TENM3: variants seen among roughly 807,000 people sequenced by gnomAD.
The protein encoded by TENM3 is teneurin transmembrane protein 3.
Under a neutral mutation model 255.1 loss-of-function variants are expected in TENM3, and 63 were observed. That is an observed-to-expected ratio of 0.25 (90% confidence interval 0.20 to 0.30). TENM3 has a LOEUF of 0.30. TENM3 is among the 10% of genes least tolerant of loss of function. The pLI, the probability that TENM3 is intolerant of heterozygous loss-of-function variation, is 1.00. For missense variants in TENM3, 2,929 were observed against 3,461.1 expected, an observed-to-expected ratio of 0.85 and a Z score of 3.86; for synonymous variants, 1,306 against 1,322.3, an observed-to-expected ratio of 0.99 and a Z score of 0.27.
intron 3 of TENM3, among the ~76,000 whole-genome samples, chr4:182,464,423 A>T (rs1205346897): frequency 6.6e-6 from 1 of 151,968 alleles, no homozygotes; most frequent in African/African-American, 2.4e-5. Flanking sequence ...TGTCCAGCTA[A>T]TTTTTGTATT....
chr4:182,179,960 G>A (rs952679953), intron 1 of TENM3, among the ~76,000 whole-genome samples: 6 of 151,992 alleles, frequency 3.9e-5, no homozygotes, highest in Non-Finnish European at 7.4e-5. Flanking sequence ...AGGAGATTAG[G>A]TAGTCTCTAT....
At chr4:182,492,320 G>C (rs1004545892) in intron 3 of TENM3, among the ~76,000 whole-genome samples, 2 of 152,138 alleles carry the variant, frequency 1.3e-5, no homozygotes, top group African/African-American at 4.8e-5. Context: ...TAAGGAACTT[G>C]GTTTTGATTA....
At position 182,731,016 on chromosome 4, in the gene TENM3, G is replaced by C. The variant is rs1760654421; in HGVS notation, c.2844G>C (p.Glu948Asp). The C allele has an allele frequency of 6.2e-7, 1 of 1,613,798 alleles. No homozygotes were observed. The change falls in exon 16 of 28, where the codon GAG (glutamate) becomes GAC (aspartate). Residue 948 changes from glutamate to aspartate, a missense_variant. Physicochemically the swap from Glu to Asp is conservative, Grantham distance 45 (BLOSUM62 2). Coordinates refer to ENST00000511685, the MANE Select transcript of TENM3 (RefSeq NM_001080477.4). ...VMDTLVMKKEENDIPSCDLSG... is the reference protein window; with the variant it reads ...VMDTLVMKKEDNDIPSCDLSG... ...ATACCCTAGTCATGAAGAAAGAAGA[G>C]AATGACATTCCCAGCTGTGATCTGA...
chr4:182,745,135 G>A (rs1406454036), intron 19 of TENM3, among the ~76,000 whole-genome samples: 1 of 152,128 alleles, frequency 6.6e-6, no homozygotes, highest in African/African-American at 2.4e-5. Flanking sequence ...CTGTTGTGTA[G>A]TGATTAGCAA....
intron 3 of TENM3, among the ~76,000 whole-genome samples, chr4:182,442,299 C>T (rs1772549472): frequency 6.6e-6 from 1 of 152,120 alleles, no homozygotes; most frequent in Non-Finnish European, 1.5e-5. Flanking sequence ...ATATGTTAAA[C>T]TATTTGCAAA....
chr4:182,305,871 C>T (rs1461952727), intron 1 of TENM3, among the ~76,000 whole-genome samples: 2 of 152,160 alleles, frequency 1.3e-5, no homozygotes, highest in Non-Finnish European at 2.9e-5. Flanking sequence ...GATGTTCTTA[C>T]GTTCTTTAGT....
chr4:182,413,078 A>G (rs1296751044), intron 3 of TENM3, among the ~76,000 whole-genome samples: 12 of 152,008 alleles, frequency 7.9e-5, no homozygotes, highest in Admixed American at 7.9e-4. Context: ...TAAGAAAATG[A>G]AAAGATTGAA....
At chr4:182,174,533 A>ACACACACACACAC (rs775310288) in intron 1 of TENM3, among the ~76,000 whole-genome samples, 4 of 106,460 alleles carry the variant, frequency 3.8e-5, no homozygotes, top group Admixed American at 9.0e-5. Context: ...CACACACACA[A>ACACACACACACAC]ACACACACTT....
the TENM3 span, among the ~76,000 whole-genome samples, chr4:181,982,370 T>C: frequency 2.0e-5 from 3 of 152,132 alleles, no homozygotes; most frequent in Non-Finnish European, 2.9e-5. Flanking sequence ...ATTCAGAGCC[T>C]TAGTATGTAT....
At chr4:181,838,308 A>G in the TENM3 span, among the ~76,000 whole-genome samples, 1 of 152,232 alleles carries the variant, frequency 6.6e-6, no homozygotes, top group Admixed American at 6.5e-5. Flanking sequence ...GCCTACATTC[A>G]TGAATGAAAT....
chr4:182,274,334 A>G (rs1403665808), intron 1 of TENM3, among the ~76,000 whole-genome samples: 2 of 152,198 alleles, frequency 1.3e-5, no homozygotes, highest in African/African-American at 4.8e-5. Context: ...ATTCACAGGA[A>G]GCCCTCCCCA....
At chr4:181,657,247 C>G in the TENM3 span, among the ~76,000 whole-genome samples, 25,193 of 152,220 alleles carry the variant, frequency 0.17, 2,191 homozygotes, top group Non-Finnish European at 0.19. Context: ...AACACCATAG[C>G]AATACTTTCT....
chr4:181,909,979 T>C, the TENM3 span, among the ~76,000 whole-genome samples: 1 of 152,214 alleles, frequency 6.6e-6, no homozygotes, highest in African/African-American at 2.4e-5. Flanking sequence ...TTTAAACAAA[T>C]GTATACAAAA....
chr4:182,327,395 C>G (rs771797129), intron 2 of TENM3, among the ~76,000 whole-genome samples: 15 of 152,138 alleles, frequency 9.9e-5, no homozygotes, highest in Middle Eastern at 3.2e-3. Flanking sequence ...AATGCAACTT[C>G]GGCTGGAGAA....
chr4:182,736,333 C>T (rs1322904795), intron 16 of TENM3, among the ~76,000 whole-genome samples: 1 of 152,216 alleles, frequency 6.6e-6, no homozygotes, highest in Non-Finnish European at 1.5e-5. Flanking sequence ...GCCTAGACTG[C>T]ATCCCTGTTC....
the TENM3 span, among the ~76,000 whole-genome samples, chr4:182,049,569 T>A: frequency 6.6e-6 from 1 of 152,254 alleles, no homozygotes; most frequent in South Asian, 2.1e-4. Flanking sequence ...CACTGACGCA[T>A]AACGTCTCTC....
chr4:182,397,687 G>A (rs912821835), intron 3 of TENM3, among the ~76,000 whole-genome samples: 5 of 152,230 alleles, frequency 3.3e-5, no homozygotes, highest in South Asian at 4.1e-4. Context: ...AATATCATGC[G>A]CTAAACCAGT....
intron 1 of TENM3, among the ~76,000 whole-genome samples, chr4:182,308,296 A>G (rs1184173155): frequency 1.3e-5 from 2 of 152,052 alleles, no homozygotes; most frequent in Non-Finnish European, 2.9e-5. Context: ...AAACTTTTTA[A>G]AATTATAGAT....
chr4:181,585,334 G>T, the TENM3 span, among the ~76,000 whole-genome samples: 1 of 152,066 alleles, frequency 6.6e-6, no homozygotes, highest in Admixed American at 6.6e-5. Context: ...TATCTCTTAC[G>T]TGTTGTTCTT....
Sources: gnomAD v4.1 joint callset for allele counts (sites outside exome capture counted in the v4.1 genomes callset) on GRCh38, gnomAD v4.1.1 for gene constraint, MANE v1.5 for transcripts, NCBI Gene and HGNC (gene_info 2026-07-23, HGNC 2026-07-21) for gene names.